Variants in HYCC1 observed in about 807,000 individuals in gnomAD.
HYCC1 encodes hyccin PI4KA lipid kinase complex subunit 1.
At chr7:22,916,279 C>G in the HYCC1 span, among the ~76,000 whole-genome samples, 1 of 152,146 alleles carries the variant, frequency 6.6e-6, no homozygotes, top group Non-Finnish European at 1.5e-5. Flanking sequence ...TGCCTATCCA[C>G]CCATGGTGCC....
the HYCC1 span, chr7:22,976,644 C>A: frequency 8.8e-7 from 1 of 1,133,196 alleles, no homozygotes; most frequent in South Asian, 1.2e-5. Flanking sequence ...AAATAATTTT[C>A]TTAAAAAATT....
chr7:22,982,736 C>T, the HYCC1 span, among the ~76,000 whole-genome samples: 1 of 152,074 alleles, frequency 6.6e-6, no homozygotes, highest in Non-Finnish European at 1.5e-5. Context: ...TTTTCATTTG[C>T]CAATCTATCC....
chr7:23,013,896 C>G, the HYCC1 span: 2 of 463,208 alleles, frequency 4.3e-6, no homozygotes, highest in Non-Finnish European at 4.5e-6. Context: ...GCCCTGGGGG[C>G]CCGGCGTGGG....
chr7:22,900,358 A>G, the HYCC1 span, among the ~76,000 whole-genome samples: 4 of 152,238 alleles, frequency 2.6e-5, no homozygotes, highest in Admixed American at 6.5e-5. Flanking sequence ...AATATCAAAC[A>G]AAGAGAATCC....
the HYCC1 span, chr7:22,946,953 T>C: frequency 1.9e-6 from 3 of 1,544,898 alleles, no homozygotes; most frequent in South Asian, 1.2e-5. Context: ...TTAAGATACC[T>C]TGGAGTGCAG....
At chr7:22,950,374 T>A in the HYCC1 span, among the ~76,000 whole-genome samples, 4 of 152,036 alleles carry the variant, frequency 2.6e-5, no homozygotes, top group African/African-American at 9.7e-5. Flanking sequence ...GTTTTTAAAA[T>A]TTTCATCTAG....
chr7:22,931,399 T>C, the HYCC1 span, among the ~76,000 whole-genome samples: 12 of 151,866 alleles, frequency 7.9e-5, no homozygotes, highest in Non-Finnish European at 1.8e-4. Context: ...AGCCACAGAG[T>C]TTGAGGTAAT....
chr7:22,966,313 T>C, the HYCC1 span, among the ~76,000 whole-genome samples: 2 of 152,108 alleles, frequency 1.3e-5, no homozygotes, highest in African/African-American at 4.8e-5. Context: ...GTTTTTGAGA[T>C]GGAGTTTCCC....
chr7:22,992,356 T>A, the HYCC1 span, among the ~76,000 whole-genome samples: 1 of 152,180 alleles, frequency 6.6e-6, no homozygotes, highest in East Asian at 1.9e-4. Context: ...AAATAAAAAA[T>A]ATTTCTCCTT....
chr7:22,940,236 G>GTTTTTTTTTTTTTTTTTTTT, the HYCC1 span: 1 of 87,188 alleles, frequency 1.1e-5, no homozygotes, highest in South Asian at 4.2e-4. Flanking sequence ...AATAGGTTCT[G>GTTTTTTTTTTTTTTTTTTTT]TTTTTTTTTT....
the HYCC1 span, among the ~76,000 whole-genome samples, chr7:22,917,009 G>A: frequency 6.6e-6 from 1 of 152,146 alleles, no homozygotes; most frequent in African/African-American, 2.4e-5. Flanking sequence ...CTCTTCTCAA[G>A]GTCGCTTTAC....
the HYCC1 span, among the ~76,000 whole-genome samples, chr7:23,009,509 C>G: frequency 2.8e-3 from 421 of 152,238 alleles, 2 homozygotes; most frequent in African/African-American, 9.8e-3. Flanking sequence ...GACCAAGTTA[C>G]AATGCCAAAT....
the HYCC1 span, among the ~76,000 whole-genome samples, chr7:22,925,710 T>A: frequency 6.6e-6 from 1 of 152,158 alleles, no homozygotes; most frequent in Non-Finnish European, 1.5e-5. Flanking sequence ...ATCTAATTGG[T>A]GTATCTAAAA....
At chr7:22,990,026 G>A in the HYCC1 span, among the ~76,000 whole-genome samples, 2 of 152,136 alleles carry the variant, frequency 1.3e-5, no homozygotes, top group African/African-American at 2.4e-5. Flanking sequence ...CTAGAGCATC[G>A]AAGTCACTTT....
chr7:22,961,190 G>A, the HYCC1 span: 1 of 1,265,356 alleles, frequency 7.9e-7, no homozygotes, highest in East Asian at 2.3e-5. Flanking sequence ...TCTAAATTGA[G>A]AAATCTTAAA....
the HYCC1 span, among the ~76,000 whole-genome samples, chr7:22,946,622 TAAA>T: frequency 1.3e-5 from 2 of 151,984 alleles, no homozygotes; most frequent in African/African-American, 4.8e-5. Context: ...TTTATCAAAT[TAAA>T]AAAATCTAGA....
chr7:22,973,408 T>C, the HYCC1 span, among the ~76,000 whole-genome samples: 1 of 152,214 alleles, frequency 6.6e-6, no homozygotes, highest in African/African-American at 2.4e-5. Context: ...AACTGGATTT[T>C]ATCATTGAGA....
chr7:22,987,029 A>G, the HYCC1 span, among the ~76,000 whole-genome samples: 1 of 152,340 alleles, frequency 6.6e-6, no homozygotes, highest in Non-Finnish European at 1.5e-5. Context: ...AACATCACAC[A>G]TAAGATTTGA....
the HYCC1 span, among the ~76,000 whole-genome samples, chr7:23,000,756 C>T: frequency 6.6e-6 from 1 of 151,990 alleles, no homozygotes; most frequent in African/African-American, 2.4e-5. Context: ...CCACCTAGGG[C>T]CTGTCCTCTT....
Sources: gnomAD v4.1 joint callset for allele counts (sites outside exome capture counted in the v4.1 genomes callset) on GRCh38, gnomAD v4.1.1 for gene constraint, MANE v1.5 for transcripts, NCBI Gene and HGNC (gene_info 2026-07-23, HGNC 2026-07-21) for gene names.